PUDP: variants seen among roughly 807,000 people sequenced by gnomAD.
PUDP encodes pseudouridine 5'-phosphatase, also known as pseudouridine-5'-phosphatase.
PUDP carries 8 observed loss-of-function variants against 9.4 expected under a neutral mutation model. That is an observed-to-expected ratio of 0.85 (90% CI 0.50 to 1.53). PUDP has a LOEUF of 1.53. Among genes scored for constraint, PUDP ranks in the 40% most tolerant of loss-of-function variants. The pLI is 0.00. For synonymous variants in PUDP, 99 were observed against 80.7 expected (o/e 1.23, Z -1.22); for missense variants, 188 against 189.7 (o/e 0.99, Z 0.05).
In PUDP at chrX:6,816,781, GTATATAC is replaced by G. The variant is rs1321072236; in HGVS notation, c.*248-110322_*248-110316del. 3.4e-5 allele frequency among the ~76,000 whole-genome samples: 3 copies of G among 89,009 alleles called. No individual in the cohort carries two copies. The Admixed American group carries it at 4.2e-4, about 12-fold the overall frequency. The allele number at this position is 89,009 out of a possible 115,157, so 77.3% of individuals were successfully genotyped here. ...TATATACAATATATATACACATACA[GTATATAC>G]TATATAGTATATACAATATATATAC... is the stretch of plus-strand genomic sequence containing the variant. On this transcript the variant is annotated intron_variant and NMD_transcript_variant, in intron 3 of 3. Transcript: ENST00000655425.
chrX:6,867,058 T>C (rs1927097978), intron 3 of PUDP, among the ~76,000 whole-genome samples: 1 of 111,119 alleles, frequency 9.0e-6, no homozygotes. Flanking sequence ...ATTCTTTTCA[T>C]TGCTCTCCAG....
At chrX:6,804,554 C>A (rs759024994) in intron 3 of PUDP, among the ~76,000 whole-genome samples, 1 of 111,783 alleles carries the variant, frequency 8.9e-6, no homozygotes, top group African/African-American at 3.3e-5. Context: ...TCCTCAAGGT[C>A]TTGATTCTGC....
At chrX:6,988,343 G>T (rs1197561058) in intron 1 of PUDP, among the ~76,000 whole-genome samples, 1 of 111,418 alleles carries the variant, frequency 9.0e-6, no homozygotes, top group Non-Finnish European at 1.9e-5. Flanking sequence ...TGGTCAGGCT[G>T]CTTATTCTCG....
At chrX:6,818,745 C>A (rs1926290928) in intron 3 of PUDP, among the ~76,000 whole-genome samples, 1 of 111,926 alleles carries the variant, frequency 8.9e-6, no homozygotes, top group Non-Finnish European at 1.9e-5. Flanking sequence ...ACTTCTATCA[C>A]CTGCCACAGG....
At chrX:7,005,720 T>C (rs1406927323) in intron 1 of PUDP, among the ~76,000 whole-genome samples, 1 of 111,599 alleles carries the variant, frequency 9.0e-6, no homozygotes, top group Non-Finnish European at 1.9e-5. Flanking sequence ...ATCTTAAAAA[T>C]TTTTAAGTGC....
intron 1 of PUDP, among the ~76,000 whole-genome samples, chrX:7,140,676 AAAAAC>A (rs1447859697): frequency 1.2e-4 from 13 of 112,093 alleles, no homozygotes; most frequent in Admixed American, 1.9e-4. Flanking sequence ...TTCTGGCTCA[AAAAAC>A]AAAACAAAAC....
intron 3 of PUDP, among the ~76,000 whole-genome samples, chrX:7,065,155 A>C: frequency 9.0e-6 from 1 of 111,189 alleles, no homozygotes; most frequent in African/African-American, 3.3e-5. Context: ...CTGCCCCCAA[A>C]CCAAAAAAAG....
intron 3 of PUDP, among the ~76,000 whole-genome samples, chrX:6,882,767 T>C (rs1170665649): frequency 9.0e-6 from 1 of 110,505 alleles, no homozygotes; most frequent in Non-Finnish European, 1.9e-5. Flanking sequence ...TCCAGGGCGA[T>C]GATGATGGAA....
At chrX:6,907,778 G>A (rs1371244001) in intron 3 of PUDP, among the ~76,000 whole-genome samples, 2 of 111,845 alleles carry the variant, frequency 1.8e-5, no homozygotes, top group Non-Finnish European at 3.8e-5. Flanking sequence ...CCTCTCTCCA[G>A]CTTCACTGGA....
chrX:6,933,888 G>A (rs1410025033), intron 3 of PUDP, among the ~76,000 whole-genome samples: 1 of 110,773 alleles, frequency 9.0e-6, no homozygotes, highest in African/African-American at 3.3e-5. Context: ...ATCAGTGATG[G>A]AAGATGAAAT....
At chrX:7,110,638 G>A (rs1252539266) in intron 1 of PUDP, among the ~76,000 whole-genome samples, 2 of 111,537 alleles carry the variant, frequency 1.8e-5, no homozygotes, top group African/African-American at 6.5e-5. Context: ...TAATCACCTG[G>A]GTACAGGCAG....
At chrX:6,747,144 A>G (rs1428873555) in intron 3 of PUDP, among the ~76,000 whole-genome samples, 1 of 112,028 alleles carries the variant, frequency 8.9e-6, no homozygotes, top group African/African-American at 3.2e-5. Flanking sequence ...AGTAGAGTAC[A>G]CTAGTCAATA....
At chrX:6,766,662 T>C (rs753705541) in intron 3 of PUDP, among the ~76,000 whole-genome samples, 87 of 111,782 alleles carry the variant, frequency 7.8e-4, no homozygotes, top group Middle Eastern at 4.6e-3. Flanking sequence ...ACAACCAAGA[T>C]ACTGTAATTG....
intron 3 of PUDP, among the ~76,000 whole-genome samples, chrX:6,801,347 T>A (rs983026720): frequency 9.0e-5 from 10 of 111,354 alleles, no homozygotes; most frequent in Non-Finnish European, 1.5e-4. Context: ...GACATTTCTG[T>A]ATAGAAAACA....
At chrX:7,013,332 G>A (rs749259423) in intron 1 of PUDP, among the ~76,000 whole-genome samples, 15 of 111,821 alleles carry the variant, frequency 1.3e-4, no homozygotes, top group Admixed American at 1.2e-3. Context: ...CCTAGAATCC[G>A]GGATCTAATC....
At chrX:6,883,854 T>G (rs748714908) in intron 3 of PUDP, among the ~76,000 whole-genome samples, 14 of 111,971 alleles carry the variant, frequency 1.3e-4, no homozygotes, top group Admixed American at 2.8e-4. Context: ...TTGTTTGTTT[T>G]TTTTGAGACG....
At chrX:7,144,346 G>A (rs965047143) in intron 1 of PUDP, among the ~76,000 whole-genome samples, 7 of 112,187 alleles carry the variant, frequency 6.2e-5, no homozygotes, top group Non-Finnish European at 1.1e-4. Context: ...CTAATATTAC[G>A]TAAGAAAAAT....
At chrX:6,823,632 G>A (rs759623910) in intron 3 of PUDP, among the ~76,000 whole-genome samples, 6 of 112,589 alleles carry the variant, frequency 5.3e-5, no homozygotes, top group South Asian at 3.7e-4. Context: ...AGAGTAAAGC[G>A]AAAGCAAGTT....
intron 1 of PUDP, among the ~76,000 whole-genome samples, chrX:7,135,573 G>A (rs1264546889): frequency 8.9e-6 from 1 of 111,848 alleles, no homozygotes; most frequent in Non-Finnish European, 1.9e-5. Flanking sequence ...TGTAATGTTC[G>A]AGAGAGCTGA....
Sources: allele counts gnomAD v4.1 joint callset (sites outside exome capture counted in the v4.1 genomes callset), GRCh38; gene constraint gnomAD v4.1.1; transcripts MANE v1.5; gene names NCBI Gene and HGNC (gene_info 2026-07-23, HGNC 2026-07-21).